SLC1A7: variants seen among roughly 807,000 people sequenced by gnomAD.
The protein encoded by SLC1A7 is excitatory amino acid transporter 5.
In SLC1A7, 40 loss-of-function variants were observed where a neutral mutation model predicts 47.7. The ratio of observed to expected loss-of-function variants is 0.84; its 90% CI spans 0.65 to 1.09. The LOEUF (loss-of-function observed/expected upper bound fraction) is 1.09. SLC1A7 is among the 50% of genes least tolerant of loss of function. The pLI, the probability that SLC1A7 is intolerant of heterozygous loss-of-function variation, is 0.00. For synonymous variants in SLC1A7, 323 were observed against 325.6 expected (o/e 0.99, Z 0.09); for missense variants, 746 against 769.5 (o/e 0.97, Z 0.36).
intron 5 of SLC1A7, among the ~76,000 whole-genome samples, chr1:53,098,419 T>G (rs1644526677): frequency 6.8e-6 from 1 of 146,454 alleles, no homozygotes; most frequent in Admixed American, 6.8e-5. Context: ...CTTGTTACAC[T>G]CACACCGCCT....
intron 2 of SLC1A7, among the ~76,000 whole-genome samples, chr1:53,123,905 T>C (rs1235512368): frequency 6.6e-6 from 1 of 152,178 alleles, no homozygotes; most frequent in African/African-American, 2.4e-5. Flanking sequence ...CTCGCCAAAC[T>C]GTGGCTACCC....
At chr1:53,138,909 G>T (rs1185456874) in intron 1 of SLC1A7, among the ~76,000 whole-genome samples, 8 of 151,952 alleles carry the variant, frequency 5.3e-5, no homozygotes. Flanking sequence ...CTGTTGTACG[G>T]TAACTATATC....
At chr1:53,105,131 G>A (rs1055831631) in intron 4 of SLC1A7, among the ~76,000 whole-genome samples, 2 of 152,060 alleles carry the variant, frequency 1.3e-5, no homozygotes, top group Non-Finnish European at 2.9e-5. Flanking sequence ...ATAAGCAGAA[G>A]AAAAAAGACC....
At chr1:53,125,790 C>T (rs1229394045) in intron 2 of SLC1A7, among the ~76,000 whole-genome samples, 3 of 152,178 alleles carry the variant, frequency 2.0e-5, no homozygotes, top group Non-Finnish European at 4.4e-5. Context: ...AGGGCCACCC[C>T]GTGGAGGGAA....
intron 8 of SLC1A7, 29 bp downstream of exon 8, chr1:53,090,583 A>C: frequency 6.5e-7 from 1 of 1,542,602 alleles, no homozygotes; most frequent in Non-Finnish European, 8.8e-7. Flanking sequence ...CCCCCGCCCC[A>C]TCCACCCAGG....
intron 3 of SLC1A7, among the ~76,000 whole-genome samples, chr1:53,106,498 G>A (rs1644642896): frequency 1.3e-5 from 2 of 151,894 alleles, no homozygotes; most frequent in Admixed American, 1.3e-4. Context: ...CAGCTACTCA[G>A]GAGGCTGAGG....
intron 3 of SLC1A7, among the ~76,000 whole-genome samples, chr1:53,109,652 G>A (rs985335758): frequency 6.6e-6 from 1 of 152,144 alleles, no homozygotes; most frequent in African/African-American, 2.4e-5. Flanking sequence ...CAGTGTTTTT[G>A]TTCAGTCTTC....
At chr1:53,130,506 C>T (rs1372534537) in intron 2 of SLC1A7, among the ~76,000 whole-genome samples, 3 of 151,096 alleles carry the variant, frequency 2.0e-5, no homozygotes, top group African/African-American at 4.9e-5. Context: ...CCCCCACTCC[C>T]CCGCTACTGC....
chr1:53,115,351 C>T (rs79555378), intron 2 of SLC1A7: 1 of 257,656 alleles, frequency 3.9e-6, no homozygotes, highest in Non-Finnish European at 7.6e-6. Context: ...TTCCTTCACT[C>T]TCCTGACCCC....
intron 5 of SLC1A7, among the ~76,000 whole-genome samples, chr1:53,100,736 C>T (rs199744237): frequency 3.4e-4 from 35 of 102,134 alleles, no homozygotes; most frequent in South Asian, 1.6e-3. Context: ...GGTACACTCA[C>T]ACACATTGCC....
At chr1:53,095,109 C>T (rs1644470311) in intron 5 of SLC1A7, among the ~76,000 whole-genome samples, 1 of 152,000 alleles carries the variant, frequency 6.6e-6, no homozygotes, top group Non-Finnish European at 1.5e-5. Context: ...ACGGAAAGAC[C>T]AGGCACACGC....
chr1:53,101,612 C>T (rs1187686313), intron 5 of SLC1A7, among the ~76,000 whole-genome samples: 6 of 151,556 alleles, frequency 4.0e-5, no homozygotes, highest in Non-Finnish European at 5.9e-5. Flanking sequence ...TACACTCACA[C>T]ACCCCACCTC....
At chr1:53,105,327 C>T (rs1234331138) in intron 4 of SLC1A7, among the ~76,000 whole-genome samples, 1 of 152,116 alleles carries the variant, frequency 6.6e-6, no homozygotes, top group African/African-American at 2.4e-5. Flanking sequence ...CTGGGTTTAC[C>T]TACTGGCTTT....
chr1:53,137,299 A>AAAAAAG (rs71044460), intron 1 of SLC1A7, among the ~76,000 whole-genome samples: 2 of 139,694 alleles, frequency 1.4e-5, no homozygotes, highest in Non-Finnish European at 1.5e-5. Context: ...AAAAAAAAAA[A>AAAAAAG]GTGCTCTACT....
chr1:53,087,923 C>A lies in SLC1A7; in HGVS notation c.*86G>T. On this transcript the variant is annotated 3_prime_UTR_variant, in exon 11 of 11. Transcript: ENST00000371494. ...AAGAATGTGTGATCCTGGCCCCTGC[C>A]GGCTGCTCAGGAGGGTTGGAGAGTC... is the stretch of plus-strand genomic sequence containing the variant. 1.4e-6 allele frequency: 1 copy of A among 711,030 alleles called. No homozygotes were observed. Among genetic ancestry groups the A allele is most frequent in the African/African-American group, 1.8e-5 (1 of 55,734 alleles). The allele number at this position is 711,030 out of a possible 1,614,324, so 44.0% of individuals were successfully genotyped here. A position where few individuals can be genotyped will look rare whatever the true frequency, so the allele number is the denominator to read the frequency against.
At position 53,103,353 on chromosome 1, in the gene SLC1A7, G is replaced by A. The variant is rs966792828; in HGVS notation, c.690C>T (p.Ala230=). ...CAGGTGGGCAGCACATACCCATGGT[G>A]GCAGAGAAGAAGACGATGCCCAGCA... ...MNVLGIVFFS[A]TMGIMLGRMG... The change falls in exon 5 of 11, where the codon GCC becomes GCT. Residue 230 remains alanine (A), a synonymous_variant. Coordinates refer to ENST00000371494, the MANE Select transcript of SLC1A7 (RefSeq NM_006671.6). 5.6e-6 allele frequency: 9 copies of A among 1,599,550 alleles called. No homozygotes were observed. In the African/African-American group the frequency reaches 1.2e-4, roughly 21 times the overall value.
At chr1:53,134,250 G>C in intron 2 of SLC1A7, 100 bp downstream of exon 2, 1 of 799,866 alleles carries the variant, frequency 1.3e-6, no homozygotes. Flanking sequence ...CCCAGGGCCT[G>C]TGGTTGCTCT....
At chr1:53,141,851 C>T (rs1010222755) in intron 1 of SLC1A7, among the ~76,000 whole-genome samples, 1 of 152,178 alleles carries the variant, frequency 6.6e-6, no homozygotes, top group Non-Finnish European at 1.5e-5. Context: ...CGCAAGCCCA[C>T]GTGTGGCGAT....
At chr1:53,116,974 G>C (rs1644769339) in intron 2 of SLC1A7, among the ~76,000 whole-genome samples, 2 of 152,236 alleles carry the variant, frequency 1.3e-5, no homozygotes, top group Non-Finnish European at 2.9e-5. Context: ...GGCCACAAGT[G>C]CACTCAAATG....
Sources: allele counts gnomAD v4.1 joint callset (sites outside exome capture counted in the v4.1 genomes callset), GRCh38; gene constraint gnomAD v4.1.1; transcripts MANE v1.5; gene names NCBI Gene and HGNC (gene_info 2026-07-23, HGNC 2026-07-21).